Variants in B3GAT2 observed in about 807,000 individuals in gnomAD.
The protein encoded by B3GAT2 is galactosylgalactosylxylosylprotein 3-beta-glucuronosyltransferase 2.
Under a neutral mutation model 27.8 loss-of-function variants are expected in B3GAT2, and 26 were observed. The observed-to-expected ratio is 0.93, with a 90% CI of 0.68 to 1.30. B3GAT2 has a LOEUF of 1.30. B3GAT2 is among the 50% of genes most tolerant of loss of function. The probability of loss-of-function intolerance (pLI) is 0.00; values close to 1 mark genes in which losing one functional copy is unlikely to be tolerated. For missense variants in B3GAT2, 458 were observed against 459.0 expected (o/e 1.00, Z 0.02); for synonymous variants, 218 against 195.1 (o/e 1.12, Z -0.98).
chr6:70,876,374 T>C (rs1211794429), intron 2 of B3GAT2, among the ~76,000 whole-genome samples: 1 of 152,192 alleles, frequency 6.6e-6, no homozygotes, highest in Non-Finnish European at 1.5e-5. Context: ...AAGACCTATT[T>C]TAATGAAATA....
At chr6:70,952,006 G>A (rs1765585415) in intron 1 of B3GAT2, among the ~76,000 whole-genome samples, 1 of 152,018 alleles carries the variant, frequency 6.6e-6, no homozygotes, top group Non-Finnish European at 1.5e-5. Flanking sequence ...CTATTTAGGG[G>A]GGAAAGGGCC....
chr6:70,882,409 G>A (rs1429833686), intron 2 of B3GAT2, among the ~76,000 whole-genome samples: 1 of 152,146 alleles, frequency 6.6e-6, no homozygotes, highest in Non-Finnish European at 1.5e-5. Context: ...GCTGAGGCAG[G>A]AGAAAAGTGT....
intron 1 of B3GAT2, among the ~76,000 whole-genome samples, chr6:70,910,899 T>C (rs1287231097): frequency 6.6e-6 from 1 of 152,214 alleles, no homozygotes; most frequent in Non-Finnish European, 1.5e-5. Flanking sequence ...CTCACTGTGG[T>C]TTTAATTTGT....
chr6:70,868,362 T>A (rs1771884601), intron 2 of B3GAT2, among the ~76,000 whole-genome samples: 1 of 152,164 alleles, frequency 6.6e-6, no homozygotes, highest in South Asian at 2.1e-4. Flanking sequence ...AAGGAAGAAG[T>A]ACAGCAAGCC....
chr6:70,870,828 G>A (rs1354026757), intron 2 of B3GAT2, among the ~76,000 whole-genome samples: 1 of 151,948 alleles, frequency 6.6e-6, no homozygotes, highest in African/African-American at 2.4e-5. Flanking sequence ...TTGATCTTAG[G>A]GAAAAAGCTT....
chr6:70,894,858 C>T (rs1260421438), intron 1 of B3GAT2, among the ~76,000 whole-genome samples: 1 of 152,188 alleles, frequency 6.6e-6, no homozygotes, highest in Non-Finnish European at 1.5e-5. Context: ...TTGGGCCAAA[C>T]TAGAGACCGT....
chr6:70,897,234 A>G (rs1414754779), intron 1 of B3GAT2, among the ~76,000 whole-genome samples: 2 of 141,422 alleles, frequency 1.4e-5, no homozygotes, highest in East Asian at 4.5e-4. Context: ...ATTCAAAAAA[A>G]AAAAGGTTTT....
chr6:70,936,417 A>C (rs986488909), intron 1 of B3GAT2, among the ~76,000 whole-genome samples: 2 of 152,088 alleles, frequency 1.3e-5, no homozygotes, highest in Admixed American at 6.5e-5. Context: ...TACACATCTA[A>C]AGAACTCTCC....
intron 2 of B3GAT2, among the ~76,000 whole-genome samples, chr6:70,882,267 T>C (rs1396340652): frequency 5.9e-5 from 9 of 152,080 alleles, no homozygotes; most frequent in Admixed American, 3.9e-4. Context: ...TTTGGGAGGT[T>C]AAGGCGGGCA....
chr6:70,926,155 C>A (rs2150043772), intron 1 of B3GAT2, among the ~76,000 whole-genome samples: 1 of 152,184 alleles, frequency 6.6e-6, no homozygotes, highest in African/African-American at 2.4e-5. Context: ...ACATCCACAC[C>A]AAAACCCCAT....
intron 1 of B3GAT2, among the ~76,000 whole-genome samples, chr6:70,929,694 A>C: frequency 6.6e-6 from 1 of 152,168 alleles, no homozygotes; most frequent in Non-Finnish European, 1.5e-5. Context: ...GAAATAAAAG[A>C]GGACAAACAA....
rs540301100 is a variant in B3GAT2, at chr6:70,925,033, C to T, written c.592-30761G>A. 9.4e-4 allele frequency among the ~76,000 whole-genome samples: 143 copies of T among 152,342 alleles called. 1 individual carries two copies. Among genetic ancestry groups the T allele is most frequent in the Non-Finnish European group, 2.4e-4 (16 of 68,034 alleles). ...GCACCACCTGACCTGCCAACCAGTC[C>T]TGCGGCCTTCGCCCAGAAGTGGACT... is the stretch of plus-strand genomic sequence containing the variant. On this transcript the variant is annotated intron_variant, in intron 1 of 3. Transcript: ENST00000230053.
At chr6:70,951,974 T>A (rs1765584696) in intron 1 of B3GAT2, among the ~76,000 whole-genome samples, 3 of 152,212 alleles carry the variant, frequency 2.0e-5, no homozygotes, top group Admixed American at 6.5e-5. Flanking sequence ...ATGTTTCCTT[T>A]CAGGAAACAT....
At chr6:70,897,041 G>T (rs1250445172) in intron 1 of B3GAT2, among the ~76,000 whole-genome samples, 1 of 152,056 alleles carries the variant, frequency 6.6e-6, no homozygotes, top group Non-Finnish European at 1.5e-5. Context: ...TGTAAGAGAC[G>T]TCTAGTTCCT....
chr6:70,914,688 T>C (rs923554823), intron 1 of B3GAT2, among the ~76,000 whole-genome samples: 10 of 152,184 alleles, frequency 6.6e-5, no homozygotes, highest in African/African-American at 2.4e-4. Flanking sequence ...ACATTCCTTC[T>C]TGATATCCTT....
At position 70,929,905 on chromosome 6, in the gene B3GAT2, T is replaced by A. The variant is rs146931269; in HGVS notation, c.591+25934A>T. On this transcript the variant is annotated intron_variant, in intron 1 of 3. Transcript: ENST00000230053. Reference sequence around the variant, plus strand: ...GCCAAGACAATCCTAAGCAAAAAGATCAAAGCTGGAGGCATCTTGCTACCT... The same window carrying A: ...GCCAAGACAATCCTAAGCAAAAAGAACAAAGCTGGAGGCATCTTGCTACCT... Among the ~76,000 whole-genome samples the A allele has an allele frequency of 9.3e-3, 1,415 of 152,062 alleles. 11 individuals are homozygous for A. Among genetic ancestry groups the A allele is most frequent in the Middle Eastern group, 0.048 (14 of 294 alleles).
At chr6:70,944,117 G>T (rs1171646244) in intron 1 of B3GAT2, among the ~76,000 whole-genome samples, 2 of 152,160 alleles carry the variant, frequency 1.3e-5, no homozygotes, top group African/African-American at 4.8e-5. Context: ...AATAGGAACA[G>T]CTCCGGTCTA....
intron 1 of B3GAT2, among the ~76,000 whole-genome samples, chr6:70,930,790 T>A (rs2150045748): frequency 6.6e-6 from 1 of 152,266 alleles, no homozygotes; most frequent in East Asian, 1.9e-4. Context: ...TCCTCAAGGA[T>A]CTAGAACTAG....
At chr6:70,869,032 A>G (rs1012745401) in intron 2 of B3GAT2, among the ~76,000 whole-genome samples, 2 of 152,170 alleles carry the variant, frequency 1.3e-5, no homozygotes, top group African/African-American at 2.4e-5. Flanking sequence ...CTGGGAACCA[A>G]TTTTTGAGAA....
Sources: gnomAD v4.1 joint callset for allele counts (sites outside exome capture counted in the v4.1 genomes callset) on GRCh38, gnomAD v4.1.1 for gene constraint, MANE v1.5 for transcripts, NCBI Gene and HGNC (gene_info 2026-07-23, HGNC 2026-07-21) for gene names.